Variants in KIRREL3 observed in about 807,000 individuals in gnomAD.
KIRREL3 encodes the protein kin of IRRE-like protein 3.
A neutral mutation model predicts 89.7 loss-of-function variants in KIRREL3; 36 were observed. The ratio of observed to expected loss-of-function variants is 0.40; its 90% confidence interval spans 0.31 to 0.53. The LOEUF is 0.53. Ranked by LOEUF, KIRREL3 falls within the 20% of genes least tolerant of loss-of-function variation. KIRREL3 has a pLI of 0.49. For synonymous variants in KIRREL3, 445 were observed against 441.4 expected, an observed-to-expected ratio of 1.01 and a Z score of -0.10; for missense variants, 864 against 1,056.6, an observed-to-expected ratio of 0.82 and a Z score of 2.53.
intron 4 of KIRREL3, among the ~76,000 whole-genome samples, chr11:126,507,482 A>T (rs77540945): frequency 0.04 from 6,051 of 152,174 alleles, 445 homozygotes; most frequent in African/African-American, 0.14. Flanking sequence ...ACTTTTTTTG[A>T]ATAGCATTGA....
At chr11:126,801,029 C>T (rs1288064029) in intron 1 of KIRREL3, among the ~76,000 whole-genome samples, 2 of 152,172 alleles carry the variant, frequency 1.3e-5, no homozygotes, top group Non-Finnish European at 2.9e-5. Flanking sequence ...TGCGTGCCCA[C>T]ATACCTGACA....
At position 126,571,931 on chromosome 11, in the gene KIRREL3, C is replaced by T. The variant is rs1940961049; in HGVS notation, c.56-9019G>A. 6.6e-6 allele frequency among the ~76,000 whole-genome samples: 1 copy of T among 152,228 alleles called. No homozygotes were observed. The highest frequency in any genetic ancestry group is 1.5e-5 in the Non-Finnish European group (1 of 68,042). On this transcript the variant is annotated intron_variant, in intron 1 of 16. Coordinates refer to ENST00000525144, the MANE Select transcript of KIRREL3 (RefSeq NM_032531.4). The surrounding 1 kb of genome is among the most constrained non-coding windows in gnomAD (Gnocchi z 7.7). ...GGATCATGAAGGCCATTCCTGTCCT[C>T]CAGTCTGTCTTCCACACACCCTGTG... is the stretch of plus-strand genomic sequence containing the variant.
chr11:126,818,663 G>T (rs1217953882), intron 1 of KIRREL3, among the ~76,000 whole-genome samples: 1 of 151,822 alleles, frequency 6.6e-6, no homozygotes, highest in African/African-American at 2.4e-5. Context: ...GTGTTGGGAA[G>T]AGGGAACATT....
In KIRREL3 at chr11:126,978,602, C is replaced by T. The variant is rs961177912; in HGVS notation, c.55+21853G>A. Among the ~76,000 whole-genome samples, 2 of 152,040 alleles carry T rather than the reference C, an allele frequency of 1.3e-5. No homozygotes were observed. The highest frequency in any genetic ancestry group is 6.6e-5 in the Admixed American group (1 of 15,260). ...GGCCACGCCCAGCTCCGTGTGGGTC[C>T]CTGAGTGGTCTACGTTCTCCCATGC... On this transcript the variant is annotated intron_variant, in intron 1 of 16. Coordinates refer to ENST00000525144, the MANE Select transcript of KIRREL3 (RefSeq NM_032531.4). The surrounding 1 kb of genome is among the most constrained non-coding windows in gnomAD (Gnocchi z 4.2).
chr11:126,597,759 G>T (rs1184351594), intron 1 of KIRREL3, among the ~76,000 whole-genome samples: 1 of 152,240 alleles, frequency 6.6e-6, no homozygotes, highest in Admixed American at 6.5e-5. Flanking sequence ...CAATGGGGCA[G>T]AATGTGGCAA....
chr11:126,659,933 T>C (rs944165080), intron 1 of KIRREL3, among the ~76,000 whole-genome samples: 3 of 152,152 alleles, frequency 2.0e-5, no homozygotes, highest in African/African-American at 7.2e-5. Flanking sequence ...AGGCTGGAGG[T>C]GGCCTGGTGC....
At position 126,608,443 on chromosome 11, in the gene KIRREL3, G is replaced by T. The variant is rs965024589; in HGVS notation, c.56-45531C>A. ...TTCACTAACCTTGCTTTTCCACCAG[G>T]TTTAGCCCCTGGTGCCCTTCCTCTG... On this transcript the variant is annotated intron_variant, in intron 1 of 16. Transcript: ENST00000525144. The surrounding 1 kb of genome is among the most constrained non-coding windows in gnomAD (Gnocchi z 4.9). Among the ~76,000 whole-genome samples, 4 of 151,204 alleles carry T rather than the reference G, an allele frequency of 2.6e-5. No homozygotes were observed. Among genetic ancestry groups the T allele is most frequent in the Admixed American group, 6.6e-5 (1 of 15,172 alleles).
At position 126,970,310 on chromosome 11, in the gene KIRREL3, T is replaced by G. The variant is rs1949395554; in HGVS notation, c.55+30145A>C. On this transcript the variant is annotated intron_variant, in intron 1 of 16. Transcript: ENST00000525144. This position sits in a 1 kb window ranked among gnomAD's most constrained non-coding sequence, Gnocchi z 4.4. ...GGAAGTTCTCTTCTTTTCCTTCTTT[T>G]CTTCCCTTTCTTTTCTCTCTCACAT... is the stretch of plus-strand genomic sequence containing the variant. 6.6e-6 allele frequency among the ~76,000 whole-genome samples: 1 copy of G among 152,224 alleles called. No homozygotes were observed. The highest frequency in any genetic ancestry group is 1.5e-5 in the Non-Finnish European group (1 of 68,042).
At chr11:126,473,272 GCCCGTCCACACCCA>G in intron 5 of KIRREL3, 23 bp downstream of exon 5, 1 of 280,438 alleles carries the variant, frequency 3.6e-6, no homozygotes, top group Non-Finnish European at 4.5e-6. Flanking sequence ...TCCCCTTGAA[GCCCGTCCACACCCA>G]CCCCCTCCCC....
At chr11:126,813,569 C>T (rs556553785) in intron 1 of KIRREL3, among the ~76,000 whole-genome samples, 26 of 152,186 alleles carry the variant, frequency 1.7e-4, no homozygotes, top group Middle Eastern at 3.4e-3. Context: ...GAATGAATTC[C>T]CCTGTTTATT....
Position 126,879,244 on chromosome 11 carries a change from C to T in KIRREL3, c.55+121211G>A, listed in dbSNP as rs7110460. 0.012 allele frequency among the ~76,000 whole-genome samples: 1,765 copies of T among 152,308 alleles called. 21 individuals carry two copies. The highest frequency in any genetic ancestry group is 0.035 in the African/African-American group (1,460 of 41,564). ...TATATGCAGCTGTTATGCAAAGAAG[C>T]TCTTGCTCTCAGAGCTGATGTGTTT... is the stretch of plus-strand genomic sequence containing the variant. On this transcript the variant is annotated intron_variant, in intron 1 of 16. Transcript: ENST00000525144. This position sits in a 1 kb window ranked among gnomAD's most constrained non-coding sequence, Gnocchi z 5.4.
chr11:126,954,142 G>A lies in KIRREL3; in HGVS notation c.55+46313C>T, dbSNP rs886902664. 1.3e-5 allele frequency among the ~76,000 whole-genome samples: 2 copies of A among 151,900 alleles called. No homozygotes were observed. The highest frequency in any genetic ancestry group is 4.8e-5 in the African/African-American group (2 of 41,322). The stretch of plus-strand genomic sequence containing the variant: ...TTCTTGAGATTTCCAAATGAGTGAG[G>A]TGGGGGGTGGTATTGAGGTATTGAG... On this transcript the variant is annotated intron_variant, in intron 1 of 16. Coordinates refer to ENST00000525144, the MANE Select transcript of KIRREL3 (RefSeq NM_032531.4). The surrounding 1 kb of genome is among the most constrained non-coding windows in gnomAD (Gnocchi z 4.1).
intron 1 of KIRREL3, among the ~76,000 whole-genome samples, chr11:126,804,199 G>A (rs1951131891): frequency 6.6e-6 from 1 of 152,166 alleles, no homozygotes; most frequent in South Asian, 2.1e-4. Context: ...CCAAAAACCT[G>A]TGACCATTGA....
In KIRREL3 at chr11:126,959,943, G is replaced by A. The variant is rs74767638; in HGVS notation, c.55+40512C>T. On this transcript the variant is annotated intron_variant, in intron 1 of 16. Transcript: ENST00000525144. ...CACATGTTTGTATAAGCCTTTCTAC[G>A]CTGGATTCTGTACTCCTTCTGGGTA... Among the ~76,000 whole-genome samples the A allele has an allele frequency of 5.1e-3, 769 of 152,180 alleles. 7 individuals are homozygous for A. The highest frequency in any genetic ancestry group is 0.018 in the African/African-American group (733 of 41,538).
chr11:126,752,162 A>G lies in KIRREL3; in HGVS notation c.56-189250T>C, dbSNP rs150829502. Among the ~76,000 whole-genome samples the G allele has an allele frequency of 3.6e-4, 55 of 152,254 alleles. No individual in the cohort carries two copies. Among genetic ancestry groups the G allele is most frequent in the African/African-American group, 1.3e-3 (53 of 41,546 alleles). On this transcript the variant is annotated intron_variant, in intron 1 of 16. Coordinates refer to ENST00000525144, the MANE Select transcript of KIRREL3 (RefSeq NM_032531.4). The surrounding 1 kb of genome is among the most constrained non-coding windows in gnomAD (Gnocchi z 4.8). ...TGTCCCTGAGTTATGAAGACGGGGTAAGCTAATGTATTGAAAGGATTTCCC... is the reference window on the plus strand; with the variant it reads ...TGTCCCTGAGTTATGAAGACGGGGTGAGCTAATGTATTGAAAGGATTTCCC...
In KIRREL3 at chr11:126,622,456, C is replaced by A. The variant is rs1943611734; in HGVS notation, c.56-59544G>T. Among the ~76,000 whole-genome samples the A allele has an allele frequency of 6.6e-6, 1 of 152,092 alleles. No homozygotes were observed. Among genetic ancestry groups the A allele is most frequent in the South Asian group, 2.1e-4 (1 of 4,824 alleles). On this transcript the variant is annotated intron_variant, in intron 1 of 16. Coordinates refer to ENST00000525144, the MANE Select transcript of KIRREL3 (RefSeq NM_032531.4). The surrounding 1 kb of genome is among the most constrained non-coding windows in gnomAD (Gnocchi z 5.2). ...TGGAGGAAGGGTAGCTACTGATGAG[C>A]CTTCCCTGCAGCAATTGTGTCCCAA...
Position 126,647,657 on chromosome 11 carries a change from CT to C in KIRREL3, c.56-84746del, listed in dbSNP as rs1411546936. Reference sequence around the variant, plus strand: ...CTTCTTGCCCCTCCAAGGCTACCCCCTGGTCCAAGTCACTTGGACCCTGTGC... The same window carrying C: ...CTTCTTGCCCCTCCAAGGCTACCCCCGGTCCAAGTCACTTGGACCCTGTGC... On this transcript the variant is annotated intron_variant, in intron 1 of 16. Transcript: ENST00000525144. The surrounding 1 kb of genome is among the most constrained non-coding windows in gnomAD (Gnocchi z 4.9). Among the ~76,000 whole-genome samples the C allele has an allele frequency of 6.6e-6, 1 of 152,216 alleles. No homozygotes were observed. The highest frequency in any genetic ancestry group is 1.9e-4 in the East Asian group (1 of 5,182).
chr11:126,835,649 C>T (rs900388992), intron 1 of KIRREL3, among the ~76,000 whole-genome samples: 3 of 152,136 alleles, frequency 2.0e-5, no homozygotes, highest in African/African-American at 7.2e-5. Flanking sequence ...TATGGGGGCT[C>T]AGAGGGGGAC....
chr11:126,673,363 G>T (rs565968732), intron 1 of KIRREL3, among the ~76,000 whole-genome samples: 1 of 152,172 alleles, frequency 6.6e-6, no homozygotes, highest in East Asian at 1.9e-4. Flanking sequence ...CAGGCAGGTG[G>T]CACCAAGAGG....
Sources: gnomAD v4.1 joint callset for allele counts (sites outside exome capture counted in the v4.1 genomes callset) on GRCh38, gnomAD v4.1.1 for gene constraint, Gnocchi (gnomAD v3.1) non-coding constraint, MANE v1.5 for transcripts, NCBI Gene and HGNC (gene_info 2026-07-23, HGNC 2026-07-21) for gene names.